Variants in CHD6 observed in about 807,000 individuals in gnomAD.
CHD6 encodes the protein chromodomain helicase DNA binding protein 6, also known as ATP-dependent chromatin remodeler CHD6.
A neutral mutation model predicts 276.9 loss-of-function variants in CHD6; 50 were observed. The ratio of observed to expected loss-of-function variants is 0.18; its 90% CI spans 0.14 to 0.23. The LOEUF (loss-of-function observed/expected upper bound fraction) is 0.23. CHD6 is among the 10% of genes least tolerant of loss of function. The pLI is 1.00. For missense variants in CHD6, 2,564 were observed against 3,365.8 expected (o/e 0.76, Z 5.89); for synonymous variants, 1,173 against 1,229.3 (o/e 0.95, Z 0.96).
intron 2 of CHD6, among the ~76,000 whole-genome samples, chr20:41,550,634 C>T (rs73613206): frequency 0.022 from 3,350 of 152,226 alleles, 46 homozygotes; most frequent in South Asian, 0.04. Flanking sequence ...GGCTGTCAAT[C>T]AATTCTGTAA....
chr20:41,441,448 T>A (rs2047899190), intron 25 of CHD6, among the ~76,000 whole-genome samples: 1 of 152,166 alleles, frequency 6.6e-6, no homozygotes. Context: ...AGTCAGTTTC[T>A]CCACCTGCTT....
intron 14 of CHD6, among the ~76,000 whole-genome samples, chr20:41,487,150 G>C (rs986999856): frequency 1.3e-5 from 2 of 152,128 alleles, no homozygotes; most frequent in South Asian, 2.1e-4. Flanking sequence ...CTTGGAACTG[G>C]ACCTTGAAAA....
At chr20:41,437,517 A>G (rs149457920) in intron 26 of CHD6, among the ~76,000 whole-genome samples, 183 bp from the exon 27 acceptor site, 79 of 152,296 alleles carry the variant, frequency 5.2e-4, no homozygotes, top group African/African-American at 1.8e-3. Context: ...TTCTATTATT[A>G]TTGTTGTTAA....
intron 10 of CHD6, 85 bp from the exon 11 acceptor site, chr20:41,491,904 C>G (rs757861767): frequency 2.1e-5 from 31 of 1,449,154 alleles, no homozygotes; most frequent in Non-Finnish European, 3.0e-5. Flanking sequence ...AGTGGTAAAT[C>G]TCACTGTCCC....
rs2046562178 is a variant in CHD6 at position 41,402,504 on chromosome 20, T to C, written c.*2089A>G. On this transcript the variant is annotated 3_prime_UTR_variant, in exon 37 of 37. Coordinates refer to ENST00000373233, the MANE Select transcript of CHD6 (RefSeq NM_032221.5). Reference sequence around the variant, plus strand: ...GAACCCGGGGAAAGCAGCTTTTCCATACAAAACAACAACAACACAACGACA... The same window carrying C: ...GAACCCGGGGAAAGCAGCTTTTCCACACAAAACAACAACAACACAACGACA... 2 of 230,888 alleles carry C rather than the reference T, an allele frequency of 8.7e-6. No individual in the cohort carries two copies. The highest frequency in any genetic ancestry group is 6.1e-5 in the East Asian group (1 of 16,316). 14.3% of individuals were successfully genotyped at this position (230,888 alleles called of 1,614,324 possible). A position where few individuals can be genotyped will look rare whatever the true frequency, so the allele number is the denominator to read the frequency against.
Position 41,577,058 on chromosome 20 carries a change from A to G in CHD6, c.-23-25698T>C, listed in dbSNP as rs1473262075. Among the ~76,000 whole-genome samples, 3 of 152,246 alleles carry G rather than the reference A, an allele frequency of 2.0e-5. No individual in the cohort carries two copies. In the East Asian group the frequency reaches 5.8e-4, roughly 29 times the overall value. ...AAACAGAATGAGGGACAGAAAAGGAAGGAAAGAGAATTATTTAAGAATTTG... is the reference window on the plus strand; with the variant it reads ...AAACAGAATGAGGGACAGAAAAGGAGGGAAAGAGAATTATTTAAGAATTTG... On this transcript the variant is annotated intron_variant, in intron 1 of 36. Transcript: ENST00000373233.
At chr20:41,463,967 C>CA (rs1303848164) in intron 17 of CHD6, among the ~76,000 whole-genome samples, 34 of 152,050 alleles carry the variant, frequency 2.2e-4, no homozygotes, top group African/African-American at 8.0e-4. Context: ...ATAGCTCAGA[C>CA]AAAAAGTGAT....
chr20:41,540,295 T>C (rs962241013), intron 2 of CHD6, among the ~76,000 whole-genome samples: 3 of 152,198 alleles, frequency 2.0e-5, no homozygotes, highest in South Asian at 2.1e-4. Flanking sequence ...TATCTGTGCA[T>C]AGAACAACTA....
intron 1 of CHD6, among the ~76,000 whole-genome samples, chr20:41,577,046 G>A (rs1239479242): frequency 6.6e-6 from 1 of 152,150 alleles, no homozygotes; most frequent in Non-Finnish European, 1.5e-5. Context: ...CAGAATGAGG[G>A]ACAGAAAAGG....
Position 41,499,371 on chromosome 20 carries a change from T to G in CHD6, c.853-14A>C. The G allele has an allele frequency of 1.4e-6, 2 of 1,404,270 alleles. No individual in the cohort carries two copies. Among genetic ancestry groups the G allele is most frequent in the Non-Finnish European group, 1.9e-6 (2 of 1,044,838 alleles). 87.0% of individuals were successfully genotyped at this position (1,404,270 alleles called of 1,614,324 possible). The stretch of plus-strand genomic sequence containing the variant: ...TTCTGGAGGCTCCTGGGGACAAAGA[T>G]AAAAAAAAAAGAAAATTGCTGGAAC... On this transcript the variant is annotated splice_polypyrimidine_tract_variant and intron_variant, in intron 5 of 36. Coordinates refer to ENST00000373233, the MANE Select transcript of CHD6 (RefSeq NM_032221.5).
rs1467676877 is a variant in CHD6, at chr20:41,402,258, G to A, written c.*2335C>T. On this transcript the variant is annotated 3_prime_UTR_variant, in exon 37 of 37. Coordinates refer to ENST00000373233, the MANE Select transcript of CHD6 (RefSeq NM_032221.5). ...AAATTTGGCTTTTGCTCTTGGAAAC[G>A]TCAAAATAATCATAAGAAGCACTTG... The A allele has an allele frequency of 1.4e-5, 3 of 221,420 alleles. No homozygotes were observed. The highest frequency in any genetic ancestry group is 2.7e-5 in the Non-Finnish European group (3 of 110,630). 13.7% of individuals were successfully genotyped at this position (221,420 alleles called of 1,614,324 possible). A position where few individuals can be genotyped will look rare whatever the true frequency, so the allele number is the denominator to read the frequency against.
intron 10 of CHD6, among the ~76,000 whole-genome samples, chr20:41,492,274 G>C (rs182302934): frequency 1.5e-3 from 231 of 152,290 alleles, no homozygotes; most frequent in African/African-American, 5.3e-3. Context: ...GCAGAAAACA[G>C]TATTTATGGG....
Position 41,451,002 on chromosome 20 carries a change from G to T in CHD6, c.3627C>A (p.Pro1209=). The change falls in exon 23 of 37, where the codon CCC becomes CCA. Residue 1209 remains proline (P), a synonymous_variant. Coordinates refer to ENST00000373233, the MANE Select transcript of CHD6 (RefSeq NM_032221.5). ...KDADWLATCN[P]EVVLHDDGYK... ...AGCCATCATCATGCAAGACCACCTC[G>T]GGGTTGCAGGTGGCTAGCCAATCTG... The T allele has an allele frequency of 6.2e-7, 1 of 1,613,936 alleles. No homozygotes were observed. Among genetic ancestry groups the T allele is most frequent in the Non-Finnish European group, 8.5e-7 (1 of 1,179,844 alleles).
intron 1 of CHD6, among the ~76,000 whole-genome samples, chr20:41,567,747 C>A (rs1177503548): frequency 6.6e-6 from 1 of 152,166 alleles, no homozygotes; most frequent in Non-Finnish European, 1.5e-5. Flanking sequence ...TGCCAAGGAG[C>A]TAATTTTATG....
intron 23 of CHD6, among the ~76,000 whole-genome samples, chr20:41,448,768 G>GA (rs1185284572): frequency 6.6e-6 from 1 of 152,200 alleles, no homozygotes. Context: ...GATCTGGGTA[G>GA]AAAGTGCCAC....
At position 41,468,932 on chromosome 20, in the gene CHD6, C is replaced by T. The variant is rs1443168702; in HGVS notation, c.2664+4390G>A. On this transcript the variant is annotated intron_variant, in intron 17 of 36. Transcript: ENST00000373233. ...AGGAGGCTGAGGTGGGTGGAGGCTG[C>T]GGTGAACTGACTTCGAGCCACTGCA... is the stretch of plus-strand genomic sequence containing the variant. 2.0e-5 allele frequency among the ~76,000 whole-genome samples: 3 copies of T among 152,068 alleles called. No individual in the cohort carries two copies. In the East Asian group the frequency reaches 5.8e-4, roughly 29 times the overall value.
intron 17 of CHD6, among the ~76,000 whole-genome samples, chr20:41,465,905 T>G (rs1374526351): frequency 6.6e-6 from 1 of 152,170 alleles, no homozygotes; most frequent in Non-Finnish European, 1.5e-5. Flanking sequence ...AGGTAACCAT[T>G]TAAAAACAAA....
intron 1 of CHD6, among the ~76,000 whole-genome samples, chr20:41,606,174 G>C (rs1444898220): frequency 6.6e-6 from 1 of 151,830 alleles, no homozygotes; most frequent in African/African-American, 2.4e-5. Flanking sequence ...TCAGGAGTTT[G>C]AGACCAGCCT....
intron 1 of CHD6, among the ~76,000 whole-genome samples, chr20:41,594,583 T>C (rs1212557751): frequency 6.6e-6 from 1 of 152,254 alleles, no homozygotes; most frequent in Non-Finnish European, 1.5e-5. Flanking sequence ...TTGTGATTAT[T>C]TGTGCCAGAA....
Sources: allele counts gnomAD v4.1 joint callset (sites outside exome capture counted in the v4.1 genomes callset), GRCh38; gene constraint gnomAD v4.1.1; transcripts MANE v1.5; gene names NCBI Gene and HGNC (gene_info 2026-07-23, HGNC 2026-07-21).